Variants in IGSF9B observed in about 807,000 individuals in gnomAD.
IGSF9B encodes the protein protein turtle homolog B.
A neutral mutation model predicts 143.7 loss-of-function variants in IGSF9B; 48 were observed. The ratio of observed to expected loss-of-function variants is 0.33; its 90% CI spans 0.26 to 0.42. IGSF9B has a LOEUF of 0.42. Ranked by LOEUF, IGSF9B falls within the 20% of genes least tolerant of loss-of-function variation. IGSF9B has a pLI of 1.00. For synonymous variants in IGSF9B, 903 were observed against 833.1 expected (o/e 1.08, Z -1.44); for missense variants, 1,706 against 1,980.0 (o/e 0.86, Z 2.63).
At chr11:133,946,566 G>A (rs1940055930) in intron 1 of IGSF9B, among the ~76,000 whole-genome samples, 1 of 152,194 alleles carries the variant, frequency 6.6e-6, no homozygotes, top group Non-Finnish European at 1.5e-5. Context: ...AAGAGCCGCA[G>A]GCGTCATCCA....
Position 133,899,235 on chromosome 11 carries a change from A to C in IGSF9B, c.*9834T>G, listed in dbSNP as rs1296612304. 1.3e-5 allele frequency: 2 copies of C among 152,360 alleles called. No individual in the cohort carries two copies. Among genetic ancestry groups the C allele is most frequent in the African/African-American group, 4.8e-5 (2 of 41,462 alleles). The allele number at this position is 152,360 out of a possible 1,614,324, so 9.4% of individuals were successfully genotyped here. A position where few individuals can be genotyped will look rare whatever the true frequency, so the allele number is the denominator to read the frequency against. On this transcript the variant is annotated 3_prime_UTR_variant, in exon 20 of 20. Transcript: ENST00000533871. ...CCTGGCAGTGGCTGTGGGCCGTAAA[A>C]GCTCCATCAGAGCACACTCATCCAC...
chr11:133,950,520 T>C (rs190598969), intron 1 of IGSF9B, among the ~76,000 whole-genome samples: 2 of 152,294 alleles, frequency 1.3e-5, no homozygotes, highest in Non-Finnish European at 2.9e-5. Context: ...TCCCTATCCT[T>C]CTCAGAAAGC....
At position 133,921,195 on chromosome 11, in the gene IGSF9B, T is replaced by TGGCCTCTGCCTC. The variant is rs774116125; in HGVS notation, c.2518_2529dup (p.Glu840_Ala843dup). ...CTGCTGATGAGCTCGATGGGCGTGG[T>TGGCCTCTGCCTC]GGCCTCTGCCTCGGCCTCTGCCTTG... On this transcript the variant is annotated inframe_insertion, in exon 18 of 20. Coordinates refer to ENST00000533871, the MANE Select transcript of IGSF9B (RefSeq NM_001277285.4). The TGGCCTCTGCCTC allele has an allele frequency of 1.2e-6, 2 of 1,608,990 alleles. No homozygotes were observed. Among genetic ancestry groups the TGGCCTCTGCCTC allele is most frequent in the Non-Finnish European group, 1.7e-6 (2 of 1,177,054 alleles).
intron 18 of IGSF9B, among the ~76,000 whole-genome samples, chr11:133,912,798 T>C (rs1939322263): frequency 1.3e-5 from 2 of 152,156 alleles, no homozygotes; most frequent in South Asian, 4.1e-4. Context: ...ACGAGGCTAT[T>C]GGAACAGACC....
intron 7 of IGSF9B, among the ~76,000 whole-genome samples, chr11:133,934,762 C>A (rs532739297): frequency 6.6e-6 from 1 of 152,336 alleles, no homozygotes; most frequent in African/African-American, 2.4e-5. Context: ...AGCTCGTACA[C>A]TGACCCCGGT....
In IGSF9B at chr11:133,920,187, T is replaced by C; in HGVS notation, c.3538A>G (p.Ser1180Gly). ...WYEPQPRPRP[S>G]PRQARRAEPS... Reference sequence around the variant, plus strand: ...TCGGCGCGCCTGGCCTGCCGAGGGCTAGGCCGGGGCCGGGGCTGGGGCTCA... The same window carrying C: ...TCGGCGCGCCTGGCCTGCCGAGGGCCAGGCCGGGGCCGGGGCTGGGGCTCA... The change falls in exon 18 of 20, where the codon AGC (serine) becomes GGC (glycine). Residue 1180 changes from serine (S) to glycine (G), a missense_variant. Physicochemically the swap from Ser to Gly is moderately conservative, Grantham distance 56 (BLOSUM62 0). Around this residue, in one of 7 missense-constraint regions of IGSF9B, gnomAD observed 880 missense variants for 762.9 expected, o/e 1.15. Coordinates refer to ENST00000533871, the MANE Select transcript of IGSF9B (RefSeq NM_001277285.4). The C allele has an allele frequency of 6.6e-7, 1 of 1,509,924 alleles. No individual in the cohort carries two copies. Among genetic ancestry groups the C allele is most frequent in the Non-Finnish European group, 8.9e-7 (1 of 1,129,540 alleles). 93.5% of individuals were successfully genotyped at this position (1,509,924 alleles called of 1,614,324 possible). A position where few individuals can be genotyped will look rare whatever the true frequency, so the allele number is the denominator to read the frequency against.
chr11:133,902,548 A>ACC lies in IGSF9B; in HGVS notation c.*6519_*6520dup. On this transcript the variant is annotated 3_prime_UTR_variant, in exon 20 of 20. Transcript: ENST00000533871. ...CACACCACACACATATACCACACAC[A>ACC]CCACATACACACACACACCCCACAC... is the stretch of plus-strand genomic sequence containing the variant. 7.4e-6 allele frequency among the ~76,000 whole-genome samples: 1 copy of ACC among 135,244 alleles called. No individual in the cohort carries two copies. Among genetic ancestry groups the ACC allele is most frequent in the Non-Finnish European group, 1.6e-5 (1 of 62,610 alleles). The allele number at this position is 135,244 out of a possible 152,430, so 88.7% of individuals were successfully genotyped here.
rs1591703885 is a variant in IGSF9B at position 133,902,048 on chromosome 11, A to C, written c.*7021T>G. Among the ~76,000 whole-genome samples the C allele has an allele frequency of 1.3e-5, 2 of 148,506 alleles. 1 individual carries two copies. Reference sequence around the variant, plus strand: ...ACCATACCACACACCACACCCACACACAATACACACATACCACACACAATA... The same window carrying C: ...ACCATACCACACACCACACCCACACCCAATACACACATACCACACACAATA... On this transcript the variant is annotated 3_prime_UTR_variant, in exon 20 of 20. Transcript: ENST00000533871.
chr11:133,909,259 G>A lies in IGSF9B; in HGVS notation c.4124C>T (p.Thr1375Ile). ...KKRSDDSASQ[T>I]QQLPNSQVLW... ...AACCTGAGAGTTGGGAAGCTGCTGA[G>A]TCTGGGAGGCAGAATCGTCTAGGAA... The change falls in exon 20 of 20, where the codon ACT becomes ATT. Residue 1375 changes from threonine to isoleucine, a missense_variant. By Grantham distance (89) the Thr-to-Ile change is moderately conservative (BLOSUM62 -1). Coordinates refer to ENST00000533871, the MANE Select transcript of IGSF9B (RefSeq NM_001277285.4). This position sits in a 1 kb window ranked among gnomAD's most constrained non-coding sequence, Gnocchi z 4.2. The A allele has an allele frequency of 6.5e-7, 1 of 1,535,854 alleles. No homozygotes were observed. The highest frequency in any genetic ancestry group is 1.2e-5 in the South Asian group (1 of 84,056).
At chr11:133,943,237 G>A (rs1440053213) in intron 3 of IGSF9B, among the ~76,000 whole-genome samples, 2 of 152,306 alleles carry the variant, frequency 1.3e-5, no homozygotes, top group Non-Finnish European at 2.9e-5. Flanking sequence ...GCCACACAAC[G>A]GTGGCTAGAT....
chr11:133,933,674 A>G (rs1168668255), intron 7 of IGSF9B, among the ~76,000 whole-genome samples: 1 of 152,126 alleles, frequency 6.6e-6, no homozygotes, highest in Non-Finnish European at 1.5e-5. Context: ...CTTGAGCCCA[A>G]GAGTTTGAGT....
At chr11:133,936,667 G>T (rs574939208) in intron 5 of IGSF9B, among the ~76,000 whole-genome samples, 2 of 152,144 alleles carry the variant, frequency 1.3e-5, no homozygotes, top group African/African-American at 4.8e-5. Flanking sequence ...CCCTGAGAGG[G>T]AACAGCTTCC....
rs541447703 is a variant in IGSF9B, at chr11:133,944,108, G to T, written c.409+112C>A. The T allele has an allele frequency of 3.2e-5, 37 of 1,167,506 alleles. 1 individual carries two copies. The African/African-American group carries it at 5.6e-4, about 18-fold the overall frequency. 72.3% of individuals were successfully genotyped at this position (1,167,506 alleles called of 1,614,324 possible). On this transcript the variant is annotated intron_variant, in intron 3 of 19. Transcript: ENST00000533871. The stretch of plus-strand genomic sequence containing the variant: ...GACCACAGCAACAAGGAGGGGGGCA[G>T]GGGGTGAGATGCAGTTGGGAGAAGG...
intron 1 of IGSF9B, among the ~76,000 whole-genome samples, chr11:133,955,418 C>T (rs1940233673): frequency 6.6e-6 from 1 of 152,258 alleles, no homozygotes; most frequent in Non-Finnish European, 1.5e-5. Context: ...CATATTCATT[C>T]CATTCCGGAA....
At position 133,950,799 on chromosome 11, in the gene IGSF9B, G is replaced by A. The variant is rs147092528; in HGVS notation, c.65-4541C>T. 4.8e-3 allele frequency among the ~76,000 whole-genome samples: 736 copies of A among 152,266 alleles called. 7 individuals are homozygous for A. Among genetic ancestry groups the A allele is most frequent in the African/African-American group, 0.017 (701 of 41,554 alleles). On this transcript the variant is annotated intron_variant, in intron 1 of 19. Coordinates refer to ENST00000533871, the MANE Select transcript of IGSF9B (RefSeq NM_001277285.4). ...AGACCCCTAGCTGGGTCTGGCTGGT[G>A]GCTGGGGAAGCGGGGAACGGAGTGA...
In IGSF9B at chr11:133,928,077, T is replaced by TGAGCAGCAGCGTG. The variant is rs573795003; in HGVS notation, c.1632-999_1632-987dup. On this transcript the variant is annotated intron_variant, in intron 12 of 19. Transcript: ENST00000533871. This position sits in a 1 kb window ranked among gnomAD's most constrained non-coding sequence, Gnocchi z 4.7. ...GCCACGTGTGGAAAAGCAGTGCAGA[T>TGAGCAGCAGCGTG]GAGCAGCAGCGTGGAGCAGCAGCGT... is the stretch of plus-strand genomic sequence containing the variant. 3.3e-4 allele frequency among the ~76,000 whole-genome samples: 50 copies of TGAGCAGCAGCGTG among 152,230 alleles called. No individual in the cohort carries two copies. In the Middle Eastern group the frequency reaches 0.01, roughly 31 times the overall value.
intron 3 of IGSF9B, among the ~76,000 whole-genome samples, chr11:133,938,641 T>G (rs1393312185): frequency 1.3e-5 from 2 of 152,178 alleles, no homozygotes; most frequent in Non-Finnish European, 2.9e-5. Context: ...CCTGAGCTGC[T>G]TGTAGAAGCA....
rs759598930 is a variant in IGSF9B, at chr11:133,922,686, G to C, written c.2164C>G (p.Pro722Ala). The change falls in exon 16 of 20, where the codon CCT (proline) becomes GCT (alanine). Residue 722 changes from proline to alanine, a missense_variant. Physicochemically the swap from Pro to Ala is conservative, Grantham distance 27. Transcript: ENST00000533871. ...GTAGCTACGATTCCCGCCAGCACAG[G>C]CCGCGCCAGCCCATCCTCGGTCAGG... ...PDLTEDGLAR[P>A]VLAGIVATIC... 1 of 1,587,736 alleles carries C rather than the reference G, an allele frequency of 6.3e-7. No homozygotes were observed.
At chr11:133,917,168 C>T (rs914550540) in intron 18 of IGSF9B, among the ~76,000 whole-genome samples, 13 of 152,160 alleles carry the variant, frequency 8.5e-5, no homozygotes, top group African/African-American at 2.2e-4. Flanking sequence ...GGAGGCTCGC[C>T]GTCTCCCATG....
Sources: allele counts gnomAD v4.1 joint callset (sites outside exome capture counted in the v4.1 genomes callset), GRCh38; gene constraint gnomAD v4.1.1; regional missense constraint gnomAD v4.1.1; non-coding constraint Gnocchi (gnomAD v3.1); transcripts MANE v1.5; gene names NCBI Gene and HGNC (gene_info 2026-07-23, HGNC 2026-07-21).